The following MSRB3 variants were observed in gnomAD, a reference collection of about 807,000 sequenced individuals.
The protein encoded by MSRB3 is methionine sulfoxide reductase B3.
A neutral mutation model predicts 21.0 loss-of-function variants in MSRB3; 13 were observed. The observed-to-expected ratio is 0.62, with a 90% confidence interval of 0.40 to 0.98. The LOEUF (loss-of-function observed/expected upper bound fraction) is 0.98. Ranked by LOEUF, MSRB3 falls within the 50% of genes least tolerant of loss-of-function variation. The probability of loss-of-function intolerance (pLI) is 0.00; values close to 1 mark genes in which losing one functional copy is unlikely to be tolerated. For synonymous variants in MSRB3, 87 were observed against 88.6 expected (o/e 0.98, Z 0.10); for missense variants, 199 against 230.3 (o/e 0.86, Z 0.88).
chr12:65,316,815 T>C (rs936421179), intron 2 of MSRB3, among the ~76,000 whole-genome samples: 1 of 152,178 alleles, frequency 6.6e-6, no homozygotes, highest in Non-Finnish European at 1.5e-5. Context: ...TGAGAAGCAT[T>C]GTGCTTCTTT....
intron 5 of MSRB3, among the ~76,000 whole-genome samples, chr12:65,424,073 G>T (rs527396392): frequency 6.6e-6 from 1 of 152,038 alleles, no homozygotes; most frequent in African/African-American, 2.4e-5. Context: ...TATGATGTAT[G>T]TGTCTAGGAA....
intron 1 of MSRB3, among the ~76,000 whole-genome samples, chr12:65,297,494 C>T (rs1170328348): frequency 6.6e-6 from 1 of 152,170 alleles, no homozygotes; most frequent in Non-Finnish European, 1.5e-5. Flanking sequence ...ATCATCAGAA[C>T]ATTATATTTA....
chr12:65,368,398 A>C (rs1482912189), intron 4 of MSRB3, among the ~76,000 whole-genome samples: 1 of 152,218 alleles, frequency 6.6e-6, no homozygotes, highest in African/African-American at 2.4e-5. Context: ...TTGACAGCAC[A>C]TCAGCAGCAT....
chr12:65,360,834 T>C (rs1877658543), intron 4 of MSRB3, among the ~76,000 whole-genome samples: 1 of 152,178 alleles, frequency 6.6e-6, no homozygotes, highest in Non-Finnish European at 1.5e-5. Flanking sequence ...GCCACTATTT[T>C]AGTGGGAGAA....
chr12:65,463,543 T>A lies in MSRB3; in HGVS notation c.*221T>A. On this transcript the variant is annotated 3_prime_UTR_variant, in exon 7 of 7. Transcript: ENST00000308259. ...ATAGCTTTAGCAAATGGAGACAGCTTTGTGAAACTTCTTCACAAGCCACTT... is the reference window on the plus strand; with the variant it reads ...ATAGCTTTAGCAAATGGAGACAGCTATGTGAAACTTCTTCACAAGCCACTT... 1 of 554,612 alleles carries A rather than the reference T, an allele frequency of 1.8e-6. No individual in the cohort carries two copies. The highest frequency in any genetic ancestry group is 2.2e-5 in the South Asian group (1 of 46,390). 34.4% of individuals were successfully genotyped at this position (554,612 alleles called of 1,614,324 possible).
chr12:65,331,759 G>T (rs115545941), intron 4 of MSRB3, among the ~76,000 whole-genome samples: 189 of 152,354 alleles, frequency 1.2e-3, no homozygotes, highest in African/African-American at 4.4e-3. Flanking sequence ...AGAAGGAGCT[G>T]TGTGCTCTGC....
At chr12:65,385,896 G>T (rs1402087856) in intron 5 of MSRB3, among the ~76,000 whole-genome samples, 4 of 151,422 alleles carry the variant, frequency 2.6e-5, no homozygotes, top group Non-Finnish European at 5.9e-5. Flanking sequence ...TGTTTATTCT[G>T]TCTACCATCT....
chr12:65,450,972 C>A (rs528706989), intron 5 of MSRB3, among the ~76,000 whole-genome samples: 9 of 152,034 alleles, frequency 5.9e-5, no homozygotes, highest in African/African-American at 2.2e-4. Flanking sequence ...TCATTAAGTA[C>A]TTACCTTTCT....
chr12:65,419,290 T>C, intron 5 of MSRB3: 1 of 746,774 alleles, frequency 1.3e-6, no homozygotes, highest in Admixed American at 1.8e-5. Flanking sequence ...CTTGGCAAGG[T>C]CCTGAGATTT....
At chr12:65,363,714 G>C (rs540884348) in intron 4 of MSRB3, among the ~76,000 whole-genome samples, 1 of 152,072 alleles carries the variant, frequency 6.6e-6, no homozygotes, top group Non-Finnish European at 1.5e-5. Flanking sequence ...GGCCGGGCGT[G>C]GTGGCTCACA....
chr12:65,454,054 G>C (rs1882981035), intron 6 of MSRB3: 1 of 645,676 alleles, frequency 1.5e-6, no homozygotes, highest in Admixed American at 2.3e-5. Flanking sequence ...AGGGCCAAGT[G>C]GGGAGGATCA....
Position 65,326,919 on chromosome 12 carries a change from A to C in MSRB3, c.170A>C (p.Glu57Ala), listed in dbSNP as rs1443112733. ...LTPLQYHVTQ[E>A]KGTESAFEGE... The stretch of plus-strand genomic sequence containing the variant: ...CCCCTGCAGTACCATGTCACTCAGG[A>C]GAAAGGGACCGAAAGGTAAGGTGAG... Residue 57 changes from glutamate to alanine, a missense_variant, in exon 3 of 7, where the codon GAG becomes GCG. Glu to Ala is a moderately radical substitution (Grantham distance 107). Coordinates refer to ENST00000308259, the MANE Select transcript of MSRB3 (RefSeq NM_001031679.3). 2.5e-6 allele frequency: 4 copies of C among 1,613,240 alleles called. No individual in the cohort carries two copies. In the African/African-American group the frequency reaches 5.3e-5, roughly 22 times the overall value.
intron 5 of MSRB3, among the ~76,000 whole-genome samples, chr12:65,423,424 T>A (rs141628836): frequency 6.6e-6 from 1 of 152,246 alleles, no homozygotes; most frequent in Admixed American, 6.5e-5. Context: ...ACCCTTGTCT[T>A]GTTTCAGATC....
chr12:65,459,369 A>G (rs1250298040), intron 6 of MSRB3, among the ~76,000 whole-genome samples: 1 of 152,236 alleles, frequency 6.6e-6, no homozygotes, highest in Non-Finnish European at 1.5e-5. Context: ...CATATTGCTG[A>G]TGATTAAAGA....
chr12:65,453,635 C>G, intron 5 of MSRB3, 93 bp from the exon 6 acceptor site: 1 of 940,362 alleles, frequency 1.1e-6, no homozygotes, highest in South Asian at 1.3e-5. Flanking sequence ...TAAGGATTTT[C>G]ATTATTTGCT....
intron 5 of MSRB3, among the ~76,000 whole-genome samples, chr12:65,382,894 A>G (rs1325896938): frequency 6.6e-6 from 1 of 151,996 alleles, no homozygotes; most frequent in East Asian, 1.9e-4. Flanking sequence ...GTATATATGG[A>G]TATATATGTG....
intron 5 of MSRB3, among the ~76,000 whole-genome samples, chr12:65,401,053 G>A (rs1240217700): frequency 6.6e-6 from 1 of 152,184 alleles, no homozygotes; most frequent in Admixed American, 6.5e-5. Context: ...TTCAGAATAA[G>A]TGTGATGAGG....
At position 65,327,320 on chromosome 12, in the gene MSRB3, A is replaced by G. The variant is rs537414345; in HGVS notation, c.185+386A>G. 3.3e-5 allele frequency among the ~76,000 whole-genome samples: 5 copies of G among 152,384 alleles called. No homozygotes were observed. The East Asian group carries it at 9.6e-4, about 29-fold the overall frequency. On this transcript the variant is annotated intron_variant, in intron 3 of 6. Coordinates refer to ENST00000308259, the MANE Select transcript of MSRB3 (RefSeq NM_001031679.3). ...TTTTGAAGGTGGCCATTGTAAGTAT[A>G]GACGTTTTGGCTGCAAAAAGAAGGT...
At chr12:65,358,291 A>T (rs886886232) in intron 4 of MSRB3, among the ~76,000 whole-genome samples, 2 of 149,384 alleles carry the variant, frequency 1.3e-5, no homozygotes, top group African/African-American at 4.9e-5. Flanking sequence ...CTAATTTTTT[A>T]TTTTTTTTTA....
Sources: allele counts gnomAD v4.1 joint callset (sites outside exome capture counted in the v4.1 genomes callset), GRCh38; gene constraint gnomAD v4.1.1; transcripts MANE v1.5; gene names NCBI Gene and HGNC (gene_info 2026-07-23, HGNC 2026-07-21).